PRKACB: variants seen among roughly 807,000 people sequenced by gnomAD.
PRKACB encodes the protein cAMP-dependent protein kinase catalytic subunit beta.
PRKACB carries 16 observed loss-of-function variants against 51.4 expected under a neutral mutation model. The ratio of observed to expected loss-of-function variants is 0.31; its 90% confidence interval spans 0.21 to 0.47. The LOEUF (loss-of-function observed/expected upper bound fraction) is 0.47. Among genes scored for constraint, PRKACB ranks in the 20% least tolerant of loss-of-function variants. PRKACB has a pLI of 1.00. For synonymous variants in PRKACB, 147 were observed against 154.4 expected, an observed-to-expected ratio of 0.95 and a Z score of 0.35; for missense variants, 309 against 464.5, an observed-to-expected ratio of 0.67 and a Z score of 3.08.
chr1:84,112,440 T>C (rs11809352), intron 1 of PRKACB, among the ~76,000 whole-genome samples: 351 of 152,106 alleles, frequency 2.3e-3, no homozygotes, highest in African/African-American at 8.0e-3. Context: ...TTTCACCATG[T>C]TGGCCAGGCT....
At chr1:84,133,125 G>C (rs1398699545) in intron 1 of PRKACB, among the ~76,000 whole-genome samples, 1 of 152,054 alleles carries the variant, frequency 6.6e-6, no homozygotes, top group Non-Finnish European at 1.5e-5. Context: ...CTTGGAAGAA[G>C]CAAGAGCTTG....
chr1:84,173,607 C>T (rs910240785), intron 1 of PRKACB, among the ~76,000 whole-genome samples: 4 of 151,756 alleles, frequency 2.6e-5, no homozygotes, highest in African/African-American at 9.7e-5. Context: ...TAGATTTACA[C>T]TTTCCAGAGA....
chr1:84,228,764 A>T (rs1675073357), intron 9 of PRKACB, among the ~76,000 whole-genome samples: 1 of 152,194 alleles, frequency 6.6e-6, no homozygotes, highest in Admixed American at 6.5e-5. Flanking sequence ...GAAAGCAATT[A>T]AAAGTAAGTC....
At chr1:84,154,395 A>T (rs947513632) in intron 1 of PRKACB, among the ~76,000 whole-genome samples, 13 of 152,142 alleles carry the variant, frequency 8.5e-5, no homozygotes, top group Non-Finnish European at 8.8e-5. Flanking sequence ...ACCAATAAGG[A>T]ATATGAAGAC....
intron 7 of PRKACB, among the ~76,000 whole-genome samples, chr1:84,201,930 A>G (rs564657354): frequency 1.8e-4 from 27 of 152,198 alleles, no homozygotes; most frequent in African/African-American, 6.5e-4. Context: ...ATATGAAAAA[A>G]ACAAACATAA....
intron 9 of PRKACB, among the ~76,000 whole-genome samples, chr1:84,227,427 G>T (rs1012471689): frequency 1.3e-5 from 2 of 151,942 alleles, no homozygotes; most frequent in Non-Finnish European, 2.9e-5. Context: ...TTGCCTTGAG[G>T]CTTGTCAACT....
At chr1:84,160,376 T>C (rs1022591666) in intron 1 of PRKACB, among the ~76,000 whole-genome samples, 1 of 151,544 alleles carries the variant, frequency 6.6e-6, no homozygotes, top group Non-Finnish European at 1.5e-5. Flanking sequence ...TTTTAATTTA[T>C]CTAGCATCAG....
rs1283095730 is a variant in PRKACB, at chr1:84,197,721, T to G, written c.688-8T>G. 33 of 1,584,980 alleles carry G rather than the reference T, an allele frequency of 2.1e-5. No homozygotes were observed. Among genetic ancestry groups the G allele is most frequent in the Non-Finnish European group, 2.8e-5 (33 of 1,158,568 alleles). On this transcript the variant is annotated splice_region_variant and splice_polypyrimidine_tract_variant and intron_variant, in intron 6 of 9. Transcript: ENST00000370685. ...CATTTTCACTAGTATTCTTTTTTTC[T>G]TTTATAGGTCACAGACTTTGGGTTT...
intron 1 of PRKACB, among the ~76,000 whole-genome samples, chr1:84,145,630 T>G (rs1254076091): frequency 1.3e-5 from 2 of 152,100 alleles, no homozygotes; most frequent in Non-Finnish European, 2.9e-5. Context: ...GAAGAACATG[T>G]ATTTGTGCAT....
At chr1:84,186,241 C>G (rs923318875) in intron 5 of PRKACB, among the ~76,000 whole-genome samples, 10 of 151,032 alleles carry the variant, frequency 6.6e-5, no homozygotes, top group African/African-American at 1.5e-4. Context: ...TTTTTTGAGA[C>G]TGAGTCTCCC....
At chr1:84,088,018 A>T (rs1248132660) in intron 1 of PRKACB, among the ~76,000 whole-genome samples, 1 of 152,138 alleles carries the variant, frequency 6.6e-6, no homozygotes, top group African/African-American at 2.4e-5. Context: ...GGATTATAGG[A>T]CGTGTTTTTT....
intron 1 of PRKACB, among the ~76,000 whole-genome samples, chr1:84,155,467 C>T (rs1655381155): frequency 6.6e-6 from 1 of 152,108 alleles, no homozygotes; most frequent in African/African-American, 2.4e-5. Flanking sequence ...GATTAAATGC[C>T]ATCTCTTCCA....
chr1:84,201,871 T>C (rs1032861430), intron 7 of PRKACB, among the ~76,000 whole-genome samples: 1 of 152,150 alleles, frequency 6.6e-6, no homozygotes, highest in South Asian at 2.1e-4. Context: ...GATGTTATTC[T>C]TATTTATTTT....
At chr1:84,164,785 A>G in intron 1 of PRKACB, 1 of 1,382,404 alleles carries the variant, frequency 7.2e-7, no homozygotes, top group Non-Finnish European at 9.3e-7. Flanking sequence ...TTTGGCATTA[A>G]TCTGATGTTT....
intron 1 of PRKACB, among the ~76,000 whole-genome samples, chr1:84,111,750 A>G (rs1401856493): frequency 6.6e-6 from 1 of 152,124 alleles, no homozygotes; most frequent in East Asian, 1.9e-4. Flanking sequence ...TGTCCATGCC[A>G]TAGAAGACAA....
Position 84,144,546 on chromosome 1 carries a change from C to T in PRKACB, c.185C>T (p.Ser62Leu). 1 of 1,560,744 alleles carries T rather than the reference C, an allele frequency of 6.4e-7. No homozygotes were observed. Among genetic ancestry groups the T allele is most frequent in the Non-Finnish European group, 8.6e-7 (1 of 1,162,216 alleles). Residue 62 changes from serine to leucine, a missense_variant and splice_region_variant, in exon 1 of 10, where the codon TCA becomes TTA. Coordinates refer to ENST00000370685, the MANE Select transcript of PRKACB (RefSeq NM_182948.4). ...FSEHTALWDR[S>L]MKEFLAKAKE... ...GAACATACTGCCTTATGGGACAGAT[C>T]AAGTAAGTTTTGTTTTTTAAATGAT... is the stretch of plus-strand genomic sequence containing the variant.
intron 9 of PRKACB, among the ~76,000 whole-genome samples, chr1:84,234,685 C>T (rs1464995201): frequency 2.0e-5 from 3 of 152,120 alleles, no homozygotes; most frequent in Non-Finnish European, 2.9e-5. Flanking sequence ...TTCCAGGTGC[C>T]GTCTGTCACC....
At position 84,179,309 on chromosome 1, in the gene PRKACB, A is replaced by C. The variant is rs542901615; in HGVS notation, c.249+71A>C. The stretch of plus-strand genomic sequence containing the variant: ...TAAAATCAGGATTCTTGCCTAAGAA[A>C]TTTATTACTTTAGAAATTTTAATTT... On this transcript the variant is annotated intron_variant, in intron 2 of 9. Coordinates refer to ENST00000370685, the MANE Select transcript of PRKACB (RefSeq NM_182948.4). The C allele has an allele frequency of 1.4e-3, 1,956 of 1,441,140 alleles. 2 individuals carry two copies. The highest frequency in any genetic ancestry group is 1.6e-3 in the Non-Finnish European group (1,703 of 1,089,080). 89.3% of individuals were successfully genotyped at this position (1,441,140 alleles called of 1,614,324 possible). A position where few individuals can be genotyped will look rare whatever the true frequency, so the allele number is the denominator to read the frequency against.
chr1:84,130,877 TAATA>T (rs779349618), intron 1 of PRKACB, among the ~76,000 whole-genome samples: 13 of 152,202 alleles, frequency 8.5e-5, no homozygotes, highest in Admixed American at 2.6e-4. Flanking sequence ...TGGATAAATA[TAATA>T]AATTGTTTTT....
Sources: gnomAD v4.1 joint callset for allele counts (sites outside exome capture counted in the v4.1 genomes callset) on GRCh38, gnomAD v4.1.1 for gene constraint, MANE v1.5 for transcripts, NCBI Gene and HGNC (gene_info 2026-07-23, HGNC 2026-07-21) for gene names.